CHD2: variants seen among roughly 807,000 people sequenced by gnomAD.
CHD2 encodes ATP-dependent chromatin remodeler CHD2.
A neutral mutation model predicts 243.9 loss-of-function variants in CHD2; 28 were observed. That is an observed-to-expected ratio of 0.11 (90% CI 0.09 to 0.16). The LOEUF (loss-of-function observed/expected upper bound fraction) is 0.16, where lower values mean the gene tolerates loss of function less well. Among genes scored for constraint, CHD2 ranks in the 10% least tolerant of loss-of-function variants. The pLI is 1.00. For synonymous variants in CHD2, 775 were observed against 779.0 expected (o/e 0.99, Z 0.09); for missense variants, 1,386 against 2,209.8 (o/e 0.63, Z 7.47).
Position 92,943,057 on chromosome 15 carries a change from A to G in CHD2, c.1041A>G (p.Glu347=). ...KLENFKKKED[E]IKQWLGKVSP... ...AGAACTTCAAGAAAAAAGAGGACGA[A>G]ATCAAACAATGGTATATTTTCCATC... The change falls in exon 9 of 39, where the codon GAA becomes GAG. Residue 347 remains glutamate, a synonymous_variant. Coordinates refer to ENST00000394196, the MANE Select transcript of CHD2 (RefSeq NM_001271.4). The G allele has an allele frequency of 6.2e-7, 1 of 1,610,920 alleles. No homozygotes were observed. The highest frequency in any genetic ancestry group is 1.1e-5 in the South Asian group (1 of 90,994).
At position 92,901,205 on chromosome 15, in the gene CHD2, T is replaced by A; in HGVS notation, c.-33T>A. Reference sequence around the variant, plus strand: ...ACAGGACTTCAAAGCAAACACAGATTCCCCCTCCCCCTTAATATTTAAGAA... The same window carrying A: ...ACAGGACTTCAAAGCAAACACAGATACCCCCTCCCCCTTAATATTTAAGAA... On this transcript the variant is annotated 5_prime_UTR_variant, in exon 2 of 39. Coordinates refer to ENST00000394196, the MANE Select transcript of CHD2 (RefSeq NM_001271.4). 1 of 1,343,290 alleles carries A rather than the reference T, an allele frequency of 7.4e-7. No individual in the cohort carries two copies. Among genetic ancestry groups the A allele is most frequent in the Non-Finnish European group, 1.1e-6 (1 of 938,864 alleles). 83.2% of individuals were successfully genotyped at this position (1,343,290 alleles called of 1,614,324 possible). A position where few individuals can be genotyped will look rare whatever the true frequency, so the allele number is the denominator to read the frequency against.
intron 23 of CHD2, 66 bp downstream of exon 23, chr15:92,980,977 G>A (rs2053972362): frequency 1.9e-6 from 2 of 1,063,658 alleles, no homozygotes; most frequent in East Asian, 4.7e-5. Context: ...TAACTTTTCT[G>A]TAAGAAGATT....
chr15:92,925,839 T>C (rs1413569108), intron 3 of CHD2, among the ~76,000 whole-genome samples: 4 of 152,226 alleles, frequency 2.6e-5, no homozygotes, highest in African/African-American at 9.6e-5. Flanking sequence ...GGATTCTAGT[T>C]GTAAAATGCC....
In CHD2 at chr15:92,980,169, C is replaced by T. The variant is rs372692306; in HGVS notation, c.2877-646C>T. ...AAGTGATTCTTGTGCCTCAGCCTCCCGAGTAGCTGGGACTACAGGTGTGCA... is the reference window on the plus strand; with the variant it reads ...AAGTGATTCTTGTGCCTCAGCCTCCTGAGTAGCTGGGACTACAGGTGTGCA... On this transcript the variant is annotated intron_variant, in intron 22 of 38. Coordinates refer to ENST00000394196, the MANE Select transcript of CHD2 (RefSeq NM_001271.4). Among the ~76,000 whole-genome samples the T allele has an allele frequency of 6.6e-5, 10 of 150,420 alleles. No individual in the cohort carries two copies. The East Asian group carries it at 9.7e-4, about 15-fold the overall frequency.
intron 24 of CHD2, among the ~76,000 whole-genome samples, chr15:92,982,601 C>A (rs186348649): frequency 1.0e-3 from 153 of 152,224 alleles, no homozygotes; most frequent in Non-Finnish European, 1.7e-3. Flanking sequence ...TGGGTTGATT[C>A]CATGGAGGTA....
At chr15:92,915,268 A>G (rs2052812390) in intron 2 of CHD2, among the ~76,000 whole-genome samples, 1 of 151,776 alleles carries the variant, frequency 6.6e-6, no homozygotes, top group African/African-American at 2.4e-5. Flanking sequence ...AGTTCAAAGG[A>G]TATAATTAAA....
At position 92,984,503 on chromosome 15, in the gene CHD2, G is replaced by T; in HGVS notation, c.3237+3G>T. The T allele has an allele frequency of 6.2e-7, 1 of 1,604,696 alleles. No homozygotes were observed. The highest frequency in any genetic ancestry group is 1.1e-5 in the South Asian group (1 of 89,330). ...GAATTCGGAGTTCCACTAAAAAGGT[G>T]ATCAAGTGAGATGAAAGATATGAAA... On this transcript the variant is annotated splice_donor_region_variant and intron_variant, in intron 25 of 38. Coordinates refer to ENST00000394196, the MANE Select transcript of CHD2 (RefSeq NM_001271.4).
At chr15:92,962,497 A>G (rs1406962911) in intron 16 of CHD2, among the ~76,000 whole-genome samples, 3 of 152,096 alleles carry the variant, frequency 2.0e-5, no homozygotes, top group African/African-American at 7.2e-5. Context: ...ATGTCTTATA[A>G]TTCGGTTTTG....
chr15:92,937,080 C>G (rs1422009505), intron 5 of CHD2, among the ~76,000 whole-genome samples: 1 of 152,130 alleles, frequency 6.6e-6, no homozygotes. Context: ...TCAGCTTGGT[C>G]TTGAGCTCCT....
Position 92,966,889 on chromosome 15 carries a change from G to A in CHD2, c.2001-436G>A, listed in dbSNP as rs544796092. Among the ~76,000 whole-genome samples, 58 of 143,640 alleles carry A rather than the reference G, an allele frequency of 4.0e-4. No individual in the cohort carries two copies. In the South Asian group the frequency reaches 0.014, roughly 34 times the overall value. 94.2% of individuals were successfully genotyped at this position (143,640 alleles called of 152,430 possible). A position where few individuals can be genotyped will look rare whatever the true frequency, so the allele number is the denominator to read the frequency against. On this transcript the variant is annotated intron_variant, in intron 16 of 38. Coordinates refer to ENST00000394196, the MANE Select transcript of CHD2 (RefSeq NM_001271.4). ...TGTGCCACTGCATTCCAGCCTGGGC[G>A]ACGGAGCGAGACTCTGTCTCAAAAA... is the stretch of plus-strand genomic sequence containing the variant.
At chr15:92,925,417 A>G (rs2053040527) in intron 3 of CHD2, among the ~76,000 whole-genome samples, 1 of 152,230 alleles carries the variant, frequency 6.6e-6, no homozygotes, top group Admixed American at 6.5e-5. Context: ...AACACAAGAT[A>G]ATTTTAGGAT....
At chr15:92,960,083 T>C (rs372787746) in intron 16 of CHD2, among the ~76,000 whole-genome samples, 3 of 152,224 alleles carry the variant, frequency 2.0e-5, no homozygotes, top group Non-Finnish European at 2.9e-5. Flanking sequence ...AGAAATCTTA[T>C]ACATTCAAAA....
intron 17 of CHD2, 95 bp downstream of exon 17, chr15:92,967,608 T>A: frequency 1.1e-6 from 1 of 911,140 alleles, no homozygotes; most frequent in Non-Finnish European, 1.5e-6. Context: ...GTTTTTTTTT[T>A]TTTTGGAGAC....
At chr15:92,977,519 A>G (rs1352260533) in intron 20 of CHD2, among the ~76,000 whole-genome samples, 1 of 152,088 alleles carries the variant, frequency 6.6e-6, no homozygotes, top group Non-Finnish European at 1.5e-5. Context: ...CCCCCGGCTT[A>G]TATATTTTAT....
intron 2 of CHD2, chr15:92,904,784 C>T (rs929932322): frequency 2.1e-6 from 3 of 1,416,412 alleles, no homozygotes; most frequent in Non-Finnish European, 2.8e-6. Context: ...TCCCCGCCCC[C>T]GTTCAGTGTG....
At chr15:92,932,234 C>T (rs968752002) in intron 5 of CHD2, among the ~76,000 whole-genome samples, 4 of 151,444 alleles carry the variant, frequency 2.6e-5, no homozygotes, top group Non-Finnish European at 2.9e-5. Context: ...TAATATTTTT[C>T]CATCTCTACT....
At chr15:92,917,808 T>C (rs1163380041) in intron 2 of CHD2, among the ~76,000 whole-genome samples, 1 of 152,216 alleles carries the variant, frequency 6.6e-6, no homozygotes, top group Non-Finnish European at 1.5e-5. Context: ...CACACACTCT[T>C]GGGCTTTGTC....
intron 10 of CHD2, chr15:92,945,196 T>G (rs2053442337): frequency 6.6e-6 from 1 of 152,284 alleles, no homozygotes; most frequent in Non-Finnish European, 1.5e-5. Flanking sequence ...AGACTTGATC[T>G]GTGAATTTGG....
intron 2 of CHD2, among the ~76,000 whole-genome samples, chr15:92,922,654 CAG>C (rs1028533816): frequency 1.3e-5 from 2 of 152,166 alleles, no homozygotes; most frequent in African/African-American, 2.4e-5. Flanking sequence ...CTTCTGAACT[CAG>C]GGACTTTTCT....
Sources: allele counts gnomAD v4.1 joint callset (sites outside exome capture counted in the v4.1 genomes callset), GRCh38; gene constraint gnomAD v4.1.1; transcripts MANE v1.5; gene names NCBI Gene and HGNC (gene_info 2026-07-23, HGNC 2026-07-21).